The following ACBD6 variants were observed in gnomAD, a reference collection of about 807,000 sequenced individuals.
ACBD6 encodes acyl-CoA binding domain containing 6.
ACBD6 carries 28 observed loss-of-function variants against 37.2 expected under a neutral mutation model. The observed-to-expected ratio is 0.75, with a 90% CI of 0.56 to 1.03. ACBD6 has a LOEUF of 1.03. Ranked by LOEUF, ACBD6 falls within the 50% of genes least tolerant of loss-of-function variation. The pLI is 0.00. For synonymous variants in ACBD6, 113 were observed against 126.8 expected (o/e 0.89, Z 0.73); for missense variants, 340 against 337.4 (o/e 1.01, Z -0.06).
chr1:180,390,775 G>A (rs1297388908), intron 6 of ACBD6, among the ~76,000 whole-genome samples: 1 of 152,022 alleles, frequency 6.6e-6, no homozygotes, highest in African/African-American at 2.4e-5. Flanking sequence ...ATTGTGAATG[G>A]GAGTTCACAC....
At chr1:180,402,300 G>T (rs1647405416) in intron 5 of ACBD6, among the ~76,000 whole-genome samples, 1 of 152,164 alleles carries the variant, frequency 6.6e-6, no homozygotes, top group South Asian at 2.1e-4. Context: ...AAGATTGAAA[G>T]ATAGTCTAAC....
intron 7 of ACBD6, among the ~76,000 whole-genome samples, chr1:180,301,276 T>C (rs575114006): frequency 3.9e-5 from 6 of 152,242 alleles, no homozygotes; most frequent in Admixed American, 2.0e-4. Context: ...ACATGGGGGT[T>C]AGGTGTGCCA....
chr1:180,304,598 A>G (rs1650275867), intron 7 of ACBD6, among the ~76,000 whole-genome samples: 1 of 150,848 alleles, frequency 6.6e-6, no homozygotes, highest in African/African-American at 2.4e-5. Flanking sequence ...TCAAGGAAAT[A>G]AAAGAGGATA....
At chr1:180,440,790 T>TTCATATACATAAATTCATA (rs1307031073) in intron 3 of ACBD6, among the ~76,000 whole-genome samples, 6 of 152,244 alleles carry the variant, frequency 3.9e-5, no homozygotes, top group Non-Finnish European at 8.8e-5. Flanking sequence ...TTCATATAAA[T>TTCATATACATAAATTCATA]TGAATCATAC....
At chr1:180,413,033 G>T (rs978601387) in intron 5 of ACBD6, among the ~76,000 whole-genome samples, 1 of 152,050 alleles carries the variant, frequency 6.6e-6, no homozygotes, top group African/African-American at 2.4e-5. Flanking sequence ...GTATAATAAC[G>T]GAAGACACGA....
chr1:180,393,555 A>G (rs375446646), intron 6 of ACBD6, among the ~76,000 whole-genome samples: 1 of 152,210 alleles, frequency 6.6e-6, no homozygotes, highest in Non-Finnish European at 1.5e-5. Context: ...ATGTTGTTTA[A>G]GAAATATAGA....
At chr1:180,395,765 T>C (rs527267010) in intron 6 of ACBD6, among the ~76,000 whole-genome samples, 85 of 152,284 alleles carry the variant, frequency 5.6e-4, no homozygotes, top group Middle Eastern at 3.4e-3. Flanking sequence ...AAATTAAACG[T>C]AGAATTATCA....
intron 1 of ACBD6, among the ~76,000 whole-genome samples, chr1:180,498,195 T>A (rs1428065093): frequency 6.6e-6 from 1 of 152,240 alleles, no homozygotes; most frequent in Non-Finnish European, 1.5e-5. Context: ...AGTTTTTAAG[T>A]ACTGGGAAGC....
intron 6 of ACBD6, among the ~76,000 whole-genome samples, chr1:180,360,423 T>C (rs1211968058): frequency 1.3e-5 from 2 of 152,206 alleles, no homozygotes; most frequent in South Asian, 2.1e-4. Context: ...CACATGCCCT[T>C]GGCCAGTGGT....
At chr1:180,499,596 G>A (rs1156436646) in intron 1 of ACBD6, among the ~76,000 whole-genome samples, 2 of 152,068 alleles carry the variant, frequency 1.3e-5, no homozygotes, top group Admixed American at 6.5e-5. Flanking sequence ...GTCCTAGAAC[G>A]AAAAATAATA....
In ACBD6 at chr1:180,498,104, A is replaced by G. The variant is rs556985809; in HGVS notation, c.223-2579T>C. Among the ~76,000 whole-genome samples the G allele has an allele frequency of 3.9e-4, 59 of 152,340 alleles. 2 individuals carry two copies. Among genetic ancestry groups the G allele is most frequent in the Non-Finnish European group, 7.5e-4 (51 of 68,036 alleles). On this transcript the variant is annotated intron_variant, in intron 1 of 7. Transcript: ENST00000367595. ...AAATATGGTTTACTGAGTTACACAG[A>G]CTTTTCAAATGTTGACACATTTCAT... is the stretch of plus-strand genomic sequence containing the variant.
intron 6 of ACBD6, among the ~76,000 whole-genome samples, chr1:180,374,255 C>T (rs550842461): frequency 5.3e-5 from 8 of 152,200 alleles, no homozygotes; most frequent in African/African-American, 1.7e-4. Flanking sequence ...CTCCACATGC[C>T]CCTCTCCCCC....
intron 1 of ACBD6, among the ~76,000 whole-genome samples, chr1:180,496,860 T>C (rs1490462264): frequency 6.6e-6 from 1 of 151,790 alleles, no homozygotes; most frequent in Non-Finnish European, 1.5e-5. Flanking sequence ...TTATCTCAAA[T>C]GGGCCAAAAA....
At chr1:180,494,180 T>C (rs533956823) in intron 2 of ACBD6, among the ~76,000 whole-genome samples, 9 of 152,338 alleles carry the variant, frequency 5.9e-5, no homozygotes, top group Non-Finnish European at 1.3e-4. Context: ...ATAGTTTTTC[T>C]CTAACAGTTC....
intron 13 of ACBD6, chr1:180,272,082 G>C (rs913585711): frequency 7.1e-7 from 1 of 1,405,240 alleles, no homozygotes; most frequent in Admixed American, 2.3e-5. Context: ...GCACTCAGGA[G>C]GGATCTTTCT....
At chr1:180,333,361 A>G (rs1053458990) in intron 6 of ACBD6, among the ~76,000 whole-genome samples, 3 of 152,202 alleles carry the variant, frequency 2.0e-5, no homozygotes, top group African/African-American at 7.2e-5. Context: ...TGACAACACA[A>G]GTGATATAGC....
At chr1:180,339,127 T>A (rs960392413) in intron 6 of ACBD6, among the ~76,000 whole-genome samples, 9 of 152,202 alleles carry the variant, frequency 5.9e-5, no homozygotes, top group Non-Finnish European at 1.3e-4. Flanking sequence ...GTGTGGCAAT[T>A]CCTCAGGGAT....
At chr1:180,295,717 T>G (rs1212919111) in intron 7 of ACBD6, among the ~76,000 whole-genome samples, 4 of 152,182 alleles carry the variant, frequency 2.6e-5, no homozygotes, top group African/African-American at 9.7e-5. Flanking sequence ...TGTAATTTTT[T>G]GGGGGTGCCA....
At chr1:180,386,732 T>C (rs1286496971) in intron 6 of ACBD6, among the ~76,000 whole-genome samples, 1 of 152,160 alleles carries the variant, frequency 6.6e-6, no homozygotes, top group Admixed American at 6.5e-5. Flanking sequence ...TTTCAGCTAT[T>C]ATATTTGCAA....
Sources: gnomAD v4.1 joint callset for allele counts (sites outside exome capture counted in the v4.1 genomes callset) on GRCh38, gnomAD v4.1.1 for gene constraint, MANE v1.5 for transcripts, NCBI Gene and HGNC (gene_info 2026-07-23, HGNC 2026-07-21) for gene names.